HS3ST4: variants seen among roughly 807,000 people sequenced by gnomAD.
HS3ST4 encodes the protein heparan sulfate glucosamine 3-O-sulfotransferase 4.
HS3ST4 carries 17 observed loss-of-function variants against 29.2 expected under a neutral mutation model. The ratio of observed to expected loss-of-function variants is 0.58; its 90% CI spans 0.40 to 0.87. The LOEUF is 0.87. HS3ST4 is among the 40% of genes least tolerant of loss of function. The pLI, the probability that HS3ST4 is intolerant of heterozygous loss-of-function variation, is 0.00. For missense variants in HS3ST4, 627 were observed against 634.5 expected (o/e 0.99, Z 0.13); for synonymous variants, 314 against 285.7 (o/e 1.10, Z -1.00).
intron 1 of HS3ST4, among the ~76,000 whole-genome samples, chr16:25,847,973 G>A (rs1967482629): frequency 6.6e-6 from 1 of 151,960 alleles, no homozygotes; most frequent in Non-Finnish European, 1.5e-5. Flanking sequence ...TTTGGTTTTT[G>A]TATCAGTTTT....
chr16:26,117,819 C>T (rs546395134), intron 1 of HS3ST4, among the ~76,000 whole-genome samples: 13 of 152,302 alleles, frequency 8.5e-5, no homozygotes, highest in Admixed American at 3.9e-4. Context: ...ACTTATTAAG[C>T]ACCTATGATG....
At chr16:25,722,498 A>T (rs1030699973) in intron 1 of HS3ST4, among the ~76,000 whole-genome samples, 1 of 152,226 alleles carries the variant, frequency 6.6e-6, no homozygotes, top group African/African-American at 2.4e-5. Flanking sequence ...TGCTGGCCTT[A>T]CGGGAACTTA....
chr16:26,088,033 G>A (rs753735203), intron 1 of HS3ST4, among the ~76,000 whole-genome samples: 18 of 152,136 alleles, frequency 1.2e-4, no homozygotes, highest in Non-Finnish European at 2.1e-4. Context: ...GTTCTTTCCA[G>A]AAAAAGATAA....
At chr16:25,991,938 G>A (rs759663895) in intron 1 of HS3ST4, among the ~76,000 whole-genome samples, 10 of 152,162 alleles carry the variant, frequency 6.6e-5, no homozygotes, top group South Asian at 4.2e-4. Flanking sequence ...GGAGAATGGC[G>A]TGAACCCGGG....
chr16:26,101,874 C>A (rs1898993595), intron 1 of HS3ST4, among the ~76,000 whole-genome samples: 1 of 152,158 alleles, frequency 6.6e-6, no homozygotes, highest in African/African-American at 2.4e-5. Flanking sequence ...CTTCCCCCAT[C>A]TTCTCTTTTC....
chr16:25,692,594 G>C lies in HS3ST4; in HGVS notation c.177G>C (p.Leu59=). 2 of 1,411,562 alleles carry C rather than the reference G, an allele frequency of 1.4e-6. No individual in the cohort carries two copies. Among genetic ancestry groups the C allele is most frequent in the Non-Finnish European group, 1.9e-6 (2 of 1,072,346 alleles). 87.4% of individuals were successfully genotyped at this position (1,411,562 alleles called of 1,614,324 possible). The part of the protein sequence containing the change: ...CYSLLGGSGS[L]QFPLALQESP... Reference sequence around the variant, plus strand: ...GCCTCCTGGGCGGCTCGGGCTCCCTGCAATTCCCTCTGGCGCTGCAGGAGT... The same window carrying C: ...GCCTCCTGGGCGGCTCGGGCTCCCTCCAATTCCCTCTGGCGCTGCAGGAGT... The change falls in exon 1 of 2, where the codon CTG becomes CTC. Residue 59 remains leucine (L), a synonymous_variant. Coordinates refer to ENST00000331351, the MANE Select transcript of HS3ST4 (RefSeq NM_006040.3).
At chr16:25,935,393 G>A (rs1329863725) in intron 1 of HS3ST4, among the ~76,000 whole-genome samples, 1 of 152,150 alleles carries the variant, frequency 6.6e-6, no homozygotes, top group African/African-American at 2.4e-5. Flanking sequence ...TCAGACAAAT[G>A]TATAATGGCT....
At chr16:25,773,183 A>G (rs1966844441) in intron 1 of HS3ST4, among the ~76,000 whole-genome samples, 1 of 152,128 alleles carries the variant, frequency 6.6e-6, no homozygotes, top group Non-Finnish European at 1.5e-5. Flanking sequence ...ACACTTCCCC[A>G]GTTTTGTTCC....
At chr16:25,694,820 C>T (rs1966282038) in intron 1 of HS3ST4, among the ~76,000 whole-genome samples, 1 of 151,790 alleles carries the variant, frequency 6.6e-6, no homozygotes, top group Non-Finnish European at 1.5e-5. Context: ...TCAAATGCCC[C>T]TTCAGGGAGG....
chr16:25,788,794 C>A (rs1267249290), intron 1 of HS3ST4, among the ~76,000 whole-genome samples: 1 of 151,928 alleles, frequency 6.6e-6, no homozygotes, highest in Non-Finnish European at 1.5e-5. Flanking sequence ...CCCACCTCAC[C>A]CCCACAAAGT....
At chr16:26,069,261 TA>T (rs1329006719) in intron 1 of HS3ST4, among the ~76,000 whole-genome samples, 7 of 152,198 alleles carry the variant, frequency 4.6e-5, no homozygotes, top group African/African-American at 1.7e-4. Context: ...CCACATTCCT[TA>T]AAATGGGATG....
chr16:25,955,790 C>T (rs888705996), intron 1 of HS3ST4, among the ~76,000 whole-genome samples: 1 of 150,348 alleles, frequency 6.7e-6, no homozygotes, highest in African/African-American at 2.5e-5. Flanking sequence ...GAGAAATATA[C>T]TCAATTATAT....
chr16:25,986,563 C>G (rs11645232), intron 1 of HS3ST4, among the ~76,000 whole-genome samples: 20,179 of 152,232 alleles, frequency 0.13, 1,412 homozygotes, highest in South Asian at 0.16. Flanking sequence ...TAGCAGCCCT[C>G]GTTGACTTTG....
At chr16:26,106,615 A>C (rs1899060752) in intron 1 of HS3ST4, among the ~76,000 whole-genome samples, 1 of 152,234 alleles carries the variant, frequency 6.6e-6, no homozygotes, top group Non-Finnish European at 1.5e-5. Flanking sequence ...ATGTCCAGCC[A>C]CATACCTTTG....
At chr16:25,876,054 C>T (rs532716542) in intron 1 of HS3ST4, among the ~76,000 whole-genome samples, 2 of 152,262 alleles carry the variant, frequency 1.3e-5, no homozygotes, top group South Asian at 2.1e-4. Flanking sequence ...ATAACCTCCA[C>T]GATGATGCCC....
At chr16:26,111,757 T>C (rs1046852633) in intron 1 of HS3ST4, among the ~76,000 whole-genome samples, 1 of 152,178 alleles carries the variant, frequency 6.6e-6, no homozygotes, top group African/African-American at 2.4e-5. Context: ...AGTGGATCAC[T>C]CCTGTAAGCC....
At chr16:25,952,063 A>G (rs568030500) in intron 1 of HS3ST4, among the ~76,000 whole-genome samples, 10 of 152,356 alleles carry the variant, frequency 6.6e-5, no homozygotes, top group East Asian at 5.8e-4. Context: ...TTCATTGTCC[A>G]TAAGTGAAAT....
At chr16:25,991,985 C>G (rs1222748341) in intron 1 of HS3ST4, among the ~76,000 whole-genome samples, 2 of 152,176 alleles carry the variant, frequency 1.3e-5, no homozygotes, top group Admixed American at 6.5e-5. Flanking sequence ...GGCACCACTG[C>G]ACTCCGGCCT....
chr16:26,053,620 T>C (rs1402220216), intron 1 of HS3ST4, among the ~76,000 whole-genome samples: 2 of 152,348 alleles, frequency 1.3e-5, no homozygotes, highest in African/African-American at 2.4e-5. Flanking sequence ...CTTTCATGTA[T>C]GTTCCTGTGC....
Sources: allele counts gnomAD v4.1 joint callset (sites outside exome capture counted in the v4.1 genomes callset), GRCh38; gene constraint gnomAD v4.1.1; transcripts MANE v1.5; gene names NCBI Gene and HGNC (gene_info 2026-07-23, HGNC 2026-07-21).